LINGO2: variants seen among roughly 807,000 people sequenced by gnomAD.
LINGO2 encodes the protein leucine-rich repeat and immunoglobulin-like domain-containing nogo receptor-interacting protein 2.
LINGO2 carries 14 observed loss-of-function variants against 30.6 expected under a neutral mutation model. The ratio of observed to expected loss-of-function variants is 0.46; its 90% CI spans 0.30 to 0.72. The LOEUF (loss-of-function observed/expected upper bound fraction) is 0.72. Among genes scored for constraint, LINGO2 ranks in the 30% least tolerant of loss-of-function variants. The probability of loss-of-function intolerance (pLI) is 0.07; values close to 1 mark genes in which losing one functional copy is unlikely to be tolerated. For missense variants in LINGO2, 729 were observed against 751.7 expected (o/e 0.97, Z 0.35); for synonymous variants, 317 against 288.5 (o/e 1.10, Z -1.00).
chr9:28,561,930 C>T (rs1823108947), intron 1 of LINGO2, among the ~76,000 whole-genome samples: 1 of 151,384 alleles, frequency 6.6e-6, no homozygotes. Context: ...AGCACTCCAG[C>T]TCTCTGCTTT....
intron 2 of LINGO2, among the ~76,000 whole-genome samples, chr9:28,391,908 C>T (rs1446799537): frequency 2.6e-5 from 4 of 152,048 alleles, no homozygotes; most frequent in African/African-American, 9.7e-5. Flanking sequence ...ATAATTATGT[C>T]CCTATAAAAC....
the LINGO2 span, among the ~76,000 whole-genome samples, chr9:28,971,235 C>T: frequency 6.6e-6 from 1 of 152,114 alleles, no homozygotes; most frequent in Non-Finnish European, 1.5e-5. Context: ...AAAAGTAATA[C>T]CCAGGTAATA....
chr9:28,614,914 T>C (rs1444133451), intron 1 of LINGO2, among the ~76,000 whole-genome samples: 1 of 152,148 alleles, frequency 6.6e-6, no homozygotes, highest in African/African-American at 2.4e-5. Flanking sequence ...TTGTTTACTG[T>C]GCTAGAGGAT....
the LINGO2 span, among the ~76,000 whole-genome samples, chr9:29,110,647 T>C: frequency 6.6e-6 from 1 of 150,768 alleles, no homozygotes; most frequent in Non-Finnish European, 1.5e-5. Context: ...GCTACAGTTT[T>C]AATAGTAGGT....
chr9:28,448,196 G>C (rs1824504317), intron 2 of LINGO2, among the ~76,000 whole-genome samples: 1 of 152,132 alleles, frequency 6.6e-6, no homozygotes, highest in African/African-American at 2.4e-5. Flanking sequence ...TTAAAATGCT[G>C]TATGAGTTTG....
intron 2 of LINGO2, among the ~76,000 whole-genome samples, chr9:28,419,999 A>G (rs148615024): frequency 1.0e-3 from 158 of 152,224 alleles, no homozygotes; most frequent in African/African-American, 3.7e-3. Flanking sequence ...ATCAAATGAC[A>G]CATTTGAATG....
intron 1 of LINGO2, among the ~76,000 whole-genome samples, chr9:28,615,302 C>T (rs1826090767): frequency 6.6e-6 from 1 of 152,130 alleles, no homozygotes; most frequent in Non-Finnish European, 1.5e-5. Context: ...AATTTAAACG[C>T]TGCATTTCAC....
intron 4 of LINGO2, among the ~76,000 whole-genome samples, chr9:28,119,598 T>G (rs779893262): frequency 2.3e-4 from 35 of 152,222 alleles, no homozygotes; most frequent in Non-Finnish European, 4.7e-4. Context: ...TAACAGCTCT[T>G]ATTAATTTTA....
chr9:28,559,467 T>C (rs757165383), intron 1 of LINGO2, among the ~76,000 whole-genome samples: 2 of 152,122 alleles, frequency 1.3e-5, no homozygotes, highest in Non-Finnish European at 2.9e-5. Flanking sequence ...ACATGCATTT[T>C]ATTGCCTGTA....
At chr9:29,202,455 A>G in the LINGO2 span, among the ~76,000 whole-genome samples, 1 of 152,068 alleles carries the variant, frequency 6.6e-6, no homozygotes, top group Non-Finnish European at 1.5e-5. Flanking sequence ...AAAATTGAGT[A>G]TAAATTAATA....
the LINGO2 span, among the ~76,000 whole-genome samples, chr9:28,870,265 CACA>C: frequency 3.9e-5 from 6 of 152,026 alleles, no homozygotes; most frequent in South Asian, 6.2e-4. Flanking sequence ...AATCGAACTG[CACA>C]ACATTATTTT....
At chr9:29,033,482 T>C in the LINGO2 span, among the ~76,000 whole-genome samples, 2 of 151,372 alleles carry the variant, frequency 1.3e-5, no homozygotes, top group Non-Finnish European at 2.9e-5. Context: ...TGAAATAGTT[T>C]AATAATTGTA....
intron 1 of LINGO2, among the ~76,000 whole-genome samples, chr9:28,540,671 T>C (rs569966457): frequency 6.6e-6 from 1 of 152,326 alleles, no homozygotes; most frequent in South Asian, 2.1e-4. Flanking sequence ...AATAAAGGAA[T>C]GATCTTAGTC....
chr9:28,429,687 C>G (rs192782706), intron 2 of LINGO2, among the ~76,000 whole-genome samples: 1 of 152,162 alleles, frequency 6.6e-6, no homozygotes, highest in Non-Finnish European at 1.5e-5. Flanking sequence ...CTCTCATACA[C>G]TAAACTAATT....
the LINGO2 span, among the ~76,000 whole-genome samples, chr9:29,095,635 G>A: frequency 2.9e-5 from 4 of 138,268 alleles, 1 homozygote; most frequent in Non-Finnish European, 6.3e-5. Flanking sequence ...TAGTATAATT[G>A]AGGCTTCTAC....
chr9:28,903,840 G>A, the LINGO2 span, among the ~76,000 whole-genome samples: 3 of 152,154 alleles, frequency 2.0e-5, no homozygotes, highest in Non-Finnish European at 2.9e-5. Context: ...AAGCACTGAA[G>A]AAGAGGGAAT....
chr9:29,127,719 C>T, the LINGO2 span, among the ~76,000 whole-genome samples: 1 of 152,068 alleles, frequency 6.6e-6, no homozygotes, highest in Non-Finnish European at 1.5e-5. Context: ...CTGAAGGCCA[C>T]AAAGTGAATG....
Position 28,393,196 on chromosome 9 carries a change from A to C in LINGO2, c.-278-20328T>G, listed in dbSNP as rs76835580. ...ATCTGTCCTGTACCTACTATGTGGG[A>C]TGTATTCTATGCCCTGGGGGCAGGA... On this transcript the variant is annotated intron_variant, in intron 2 of 5. Coordinates refer to ENST00000379992, the Ensembl canonical transcript of LINGO2. Among the ~76,000 whole-genome samples the C allele has an allele frequency of 0.015, 2,273 of 152,320 alleles. 150 individuals carry two copies. In the East Asian group the frequency reaches 0.21, roughly 14 times the overall value.
chr9:28,091,976 C>T (rs767706322), intron 4 of LINGO2, among the ~76,000 whole-genome samples: 1 of 152,084 alleles, frequency 6.6e-6, no homozygotes, highest in African/African-American at 2.4e-5. Flanking sequence ...CAGAGAAATG[C>T]AAATCAAAGG....
Sources: allele counts gnomAD v4.1 joint callset (sites outside exome capture counted in the v4.1 genomes callset), GRCh38; gene constraint gnomAD v4.1.1; transcripts MANE v1.5; gene names NCBI Gene and HGNC (gene_info 2026-07-23, HGNC 2026-07-21).